The following JAKMIP1 variants were observed in gnomAD, a reference collection of about 807,000 sequenced individuals.
JAKMIP1 encodes the protein janus kinase and microtubule interacting protein 1, also known as janus kinase and microtubule-interacting protein 1.
Under a neutral mutation model 113.0 loss-of-function variants are expected in JAKMIP1, and 33 were observed. The ratio of observed to expected loss-of-function variants is 0.29; its 90% confidence interval spans 0.22 to 0.39. The LOEUF is 0.39. Among genes scored for constraint, JAKMIP1 ranks in the 10% least tolerant of loss-of-function variants. The pLI is 1.00. For missense variants in JAKMIP1, 813 were observed against 1,080.5 expected, an observed-to-expected ratio of 0.75 and a Z score of 3.47; for synonymous variants, 480 against 459.9, an observed-to-expected ratio of 1.04 and a Z score of -0.56.
At chr4:6,131,232 A>G (rs1201907242) in intron 1 of JAKMIP1, among the ~76,000 whole-genome samples, 2 of 151,640 alleles carry the variant, frequency 1.3e-5, no homozygotes, top group Non-Finnish European at 1.5e-5. Context: ...AAAAAAAAGA[A>G]TAACAGGATG....
chr4:6,043,696 C>T (rs1174581617), intron 16 of JAKMIP1, among the ~76,000 whole-genome samples: 1 of 151,198 alleles, frequency 6.6e-6, no homozygotes, highest in African/African-American at 2.4e-5. Context: ...CCCCCCATTC[C>T]CCTTTCAGCC....
rs921039373 is a variant in JAKMIP1, at chr4:6,192,304, G to A, written c.-148+7949C>T. Among the ~76,000 whole-genome samples the A allele has an allele frequency of 3.3e-5, 5 of 152,106 alleles. No individual in the cohort carries two copies. The highest frequency in any genetic ancestry group is 1.3e-4 in the Admixed American group (2 of 15,272). ...ATTGCAGTGCTCAATAGCCCCTACC[G>A]GCGAGTGGCTACTGGAATGGGACAG... is the stretch of plus-strand genomic sequence containing the variant. On this transcript the variant is annotated intron_variant, in intron 1 of 20. Coordinates refer to ENST00000409021, the MANE Select transcript of JAKMIP1 (RefSeq NM_001099433.2). This position sits in a 1 kb window ranked among gnomAD's most constrained non-coding sequence, Gnocchi z 5.0.
In JAKMIP1 at chr4:6,084,988, A is replaced by AAG. The variant is rs775508719; in HGVS notation, c.835-24_835-23insCT. 1.4e-5 allele frequency: 21 copies of AAG among 1,549,832 alleles called. No homozygotes were observed. In the African/African-American group the frequency reaches 2.7e-4, roughly 20 times the overall value. On this transcript the variant is annotated intron_variant, in intron 4 of 20. Transcript: ENST00000409021. The stretch of plus-strand genomic sequence containing the variant: ...ATCCTAAAAAAAAAAAAAAAAAAAA[A>AAG]AAAAAAGTCAAGACGTAAATGTACT...
intron 2 of JAKMIP1, among the ~76,000 whole-genome samples, chr4:6,109,482 C>G (rs993896340): frequency 6.6e-6 from 1 of 151,846 alleles, no homozygotes; most frequent in Admixed American, 6.6e-5. Flanking sequence ...AAAACCCCCA[C>G]AAAACTGCCC....
At chr4:6,146,974 G>C (rs1335286042) in intron 1 of JAKMIP1, among the ~76,000 whole-genome samples, 1 of 151,784 alleles carries the variant, frequency 6.6e-6, no homozygotes, top group Non-Finnish European at 1.5e-5. Flanking sequence ...TTTGTTTTTG[G>C]GGGGATGGAG....
intron 1 of JAKMIP1, among the ~76,000 whole-genome samples, chr4:6,115,822 G>A (rs1012501408): frequency 9.9e-5 from 15 of 152,176 alleles, no homozygotes; most frequent in South Asian, 2.1e-4. Context: ...GCAGCCCACC[G>A]GCCTCGCAGG....
At chr4:6,175,560 A>C (rs1448019658) in intron 1 of JAKMIP1, among the ~76,000 whole-genome samples, 1 of 152,148 alleles carries the variant, frequency 6.6e-6, no homozygotes, top group Admixed American at 6.5e-5. Context: ...ATGACTCATC[A>C]CTGATCTTCT....
At chr4:6,084,778 T>A (rs574334842) in intron 5 of JAKMIP1, 68 bp downstream of exon 5, 1 of 1,498,778 alleles carries the variant, frequency 6.7e-7, no homozygotes. Context: ...GTGCAGGGCA[T>A]GTTTCAGGGA....
At chr4:6,039,691 T>G (rs973838896) in intron 18 of JAKMIP1, among the ~76,000 whole-genome samples, 4 of 152,170 alleles carry the variant, frequency 2.6e-5, no homozygotes, top group African/African-American at 9.7e-5. Flanking sequence ...CTTCTACATC[T>G]CCTGCTCCTA....
intron 1 of JAKMIP1, among the ~76,000 whole-genome samples, chr4:6,146,209 G>T (rs78735072): frequency 3.6e-5 from 4 of 110,384 alleles, no homozygotes; most frequent in South Asian, 4.5e-4. Flanking sequence ...ACAGAAAGTC[G>T]AATGATAGCT....
chr4:6,161,839 G>A (rs1723003136), intron 1 of JAKMIP1, among the ~76,000 whole-genome samples: 1 of 152,176 alleles, frequency 6.6e-6, no homozygotes, highest in Non-Finnish European at 1.5e-5. Context: ...GTGTCCCAGA[G>A]ATAAATGGTG....
chr4:6,169,603 T>TGTGTGTGTGTG (rs201784962), intron 1 of JAKMIP1, among the ~76,000 whole-genome samples: 2,305 of 137,346 alleles, frequency 0.017, 19 homozygotes, highest in African/African-American at 0.025. Context: ...CCCTAGGAAA[T>TGTGTGTGTGTG]TGTGTGTGTG....
At chr4:6,063,313 C>G (rs1051731892) in intron 9 of JAKMIP1, among the ~76,000 whole-genome samples, 5 of 152,222 alleles carry the variant, frequency 3.3e-5, no homozygotes, top group South Asian at 2.1e-4. Context: ...ATCCCATGTT[C>G]TGGTGCTGAA....
intron 2 of JAKMIP1, among the ~76,000 whole-genome samples, chr4:6,109,429 C>T (rs1024482647): frequency 6.6e-6 from 1 of 151,944 alleles, no homozygotes; most frequent in East Asian, 1.9e-4. Context: ...CACTGCGGAG[C>T]CTGGGGCATC....
At position 6,040,529 on chromosome 4, in the gene JAKMIP1, C is replaced by A; in HGVS notation, c.2175+110G>T. 1 of 751,856 alleles carries A rather than the reference C, an allele frequency of 1.3e-6. No individual in the cohort carries two copies. Among genetic ancestry groups the A allele is most frequent in the Non-Finnish European group, 2.4e-6 (1 of 416,142 alleles). 46.6% of individuals were successfully genotyped at this position (751,856 alleles called of 1,614,324 possible). ...AGGTGGAGATGGCATTTTTATCACT[C>A]CTGTTTGGCACTGGGGAGCGCCCTA... On this transcript the variant is annotated intron_variant, in intron 18 of 20. Coordinates refer to ENST00000409021, the MANE Select transcript of JAKMIP1 (RefSeq NM_001099433.2). The surrounding 1 kb of genome is among the most constrained non-coding windows in gnomAD (Gnocchi z 5.8).
rs1246461553 is a variant in JAKMIP1 at position 6,139,151 on chromosome 4, C to T, written c.-147-26154G>A. 6.6e-6 allele frequency among the ~76,000 whole-genome samples: 1 copy of T among 152,030 alleles called. No homozygotes were observed. Among genetic ancestry groups the T allele is most frequent in the African/African-American group, 2.4e-5 (1 of 41,354 alleles). On this transcript the variant is annotated intron_variant, in intron 1 of 20. Transcript: ENST00000409021. This position sits in a 1 kb window ranked among gnomAD's most constrained non-coding sequence, Gnocchi z 5.2. ...CCTCTGGACTCCTCTTATGCCTGAG[C>T]CCCACTTTCCCCCTGAATTTTAACC... is the stretch of plus-strand genomic sequence containing the variant.
In JAKMIP1 at chr4:6,048,796, T is replaced by C. The variant is rs376145457; in HGVS notation, c.2028+61A>G. 1.4e-5 allele frequency: 20 copies of C among 1,421,386 alleles called. No individual in the cohort carries two copies. In the East Asian group the frequency reaches 4.6e-4, roughly 32 times the overall value. The allele number at this position is 1,421,386 out of a possible 1,614,324, so 88.0% of individuals were successfully genotyped here. A position where few individuals can be genotyped will look rare whatever the true frequency, so the allele number is the denominator to read the frequency against. ...CAAAGCAAGACGCCAATGTACAGTT[T>C]CTTGTATGGTGCTGGGAAGCTGGGA... On this transcript the variant is annotated intron_variant, in intron 16 of 20. Coordinates refer to ENST00000409021, the MANE Select transcript of JAKMIP1 (RefSeq NM_001099433.2).
In JAKMIP1 at chr4:6,137,023, T is replaced by C. The variant is rs1464398302; in HGVS notation, c.-147-24026A>G. On this transcript the variant is annotated intron_variant, in intron 1 of 20. Transcript: ENST00000409021. The surrounding 1 kb of genome is among the most constrained non-coding windows in gnomAD (Gnocchi z 4.5). The stretch of plus-strand genomic sequence containing the variant: ...CCCTGGGACTCTGCAGCCTATTCCC[T>C]CCAGTCCTCCTCTGCACCAGTAATC... Among the ~76,000 whole-genome samples the C allele has an allele frequency of 6.6e-6, 1 of 152,072 alleles. No individual in the cohort carries two copies. The highest frequency in any genetic ancestry group is 6.5e-5 in the Admixed American group (1 of 15,272).
At chr4:6,159,984 CG>C (rs1432714468) in intron 1 of JAKMIP1, among the ~76,000 whole-genome samples, 3 of 152,120 alleles carry the variant, frequency 2.0e-5, no homozygotes, top group Non-Finnish European at 2.9e-5. Context: ...CAGACACTCA[CG>C]GACGTCACAA....
Sources: gnomAD v4.1 joint callset for allele counts (sites outside exome capture counted in the v4.1 genomes callset) on GRCh38, gnomAD v4.1.1 for gene constraint, Gnocchi (gnomAD v3.1) non-coding constraint, MANE v1.5 for transcripts, NCBI Gene and HGNC (gene_info 2026-07-23, HGNC 2026-07-21) for gene names.